EIPR1: variants seen among roughly 807,000 people sequenced by gnomAD.
The protein encoded by EIPR1 is EARP and GARP complex-interacting protein 1.
EIPR1 carries 25 observed loss-of-function variants against 48.1 expected under a neutral mutation model. The ratio of observed to expected loss-of-function variants is 0.52; its 90% CI spans 0.38 to 0.73. The LOEUF (loss-of-function observed/expected upper bound fraction) is 0.73. Ranked by LOEUF, EIPR1 falls within the 30% of genes least tolerant of loss-of-function variation. The pLI is 0.00. For synonymous variants in EIPR1, 204 were observed against 201.9 expected (o/e 1.01, Z -0.09); for missense variants, 415 against 506.2 (o/e 0.82, Z 1.73).
intron 1 of EIPR1, among the ~76,000 whole-genome samples, chr2:3,364,263 A>C (rs548997172): frequency 1.3e-5 from 2 of 152,358 alleles, no homozygotes; most frequent in South Asian, 4.1e-4. Flanking sequence ...AATCAACCTA[A>C]GTGCCCATCA....
chr2:3,238,131 T>A (rs767006141), intron 4 of EIPR1, among the ~76,000 whole-genome samples: 2 of 152,164 alleles, frequency 1.3e-5, no homozygotes, highest in Non-Finnish European at 2.9e-5. Flanking sequence ...AAAAATTCCA[T>A]GGAGGTATAT....
Position 3,330,780 on chromosome 2 carries a change from CA to C in EIPR1, c.259+7236del, listed in dbSNP as rs561491637. ...GAGATGGTGTGAGCAGAGGCAAGCGCATGTACACTCACGAGAATGGTGTGAG... is the reference window on the plus strand; with the variant it reads ...GAGATGGTGTGAGCAGAGGCAAGCGCTGTACACTCACGAGAATGGTGTGAG... On this transcript the variant is annotated intron_variant, in intron 3 of 8. Transcript: ENST00000382125. 5.6e-4 allele frequency among the ~76,000 whole-genome samples: 82 copies of C among 147,570 alleles called. 1 individual carries two copies. The highest frequency in any genetic ancestry group is 2.0e-3 in the African/African-American group (81 of 39,820).
At chr2:3,329,367 G>A (rs1669816268) in intron 3 of EIPR1, among the ~76,000 whole-genome samples, 1 of 151,706 alleles carries the variant, frequency 6.6e-6, no homozygotes, top group Admixed American at 6.6e-5. Flanking sequence ...GCCAGCCTGG[G>A]CTTCCTTGGA....
intron 3 of EIPR1, among the ~76,000 whole-genome samples, chr2:3,295,409 C>CT (rs1668530901): frequency 6.9e-6 from 1 of 144,498 alleles, no homozygotes; most frequent in Non-Finnish European, 1.5e-5. Flanking sequence ...CACACACACC[C>CT]TCCATCCAGC....
intron 3 of EIPR1, among the ~76,000 whole-genome samples, chr2:3,293,468 G>A (rs757276607): frequency 7.9e-5 from 12 of 152,180 alleles, no homozygotes; most frequent in African/African-American, 1.7e-4. Flanking sequence ...GGGAGAACCC[G>A]GACTGCTCAG....
At chr2:3,303,513 C>T (rs1668820862) in intron 3 of EIPR1, among the ~76,000 whole-genome samples, 1 of 152,244 alleles carries the variant, frequency 6.6e-6, no homozygotes, top group Non-Finnish European at 1.5e-5. Flanking sequence ...TGTCCCCTCA[C>T]GCTGCCACGT....
chr2:3,205,752 C>T lies in EIPR1; in HGVS notation c.516+8397G>A, dbSNP rs145804237. On this transcript the variant is annotated intron_variant, in intron 5 of 8. Coordinates refer to ENST00000382125, the MANE Select transcript of EIPR1 (RefSeq NM_003310.5). ...CGAGCTTGAACCCCAGCTCTGCTTC[C>T]GAGTAAGCCATCATTGGCAGGTTAC... Among the ~76,000 whole-genome samples, 32 of 152,284 alleles carry T rather than the reference C, an allele frequency of 2.1e-4. No homozygotes were observed. The East Asian group carries it at 2.1e-3, about 10-fold the overall frequency.
chr2:3,233,725 G>T (rs1305598350), intron 4 of EIPR1, among the ~76,000 whole-genome samples: 3 of 152,236 alleles, frequency 2.0e-5, no homozygotes, highest in Non-Finnish European at 4.4e-5. Flanking sequence ...TCAAGCTAAG[G>T]AGCCTTCAAA....
chr2:3,265,750 C>T (rs1667467534), intron 3 of EIPR1, among the ~76,000 whole-genome samples: 1 of 152,202 alleles, frequency 6.6e-6, no homozygotes, highest in African/African-American at 2.4e-5. Context: ...CACACGATAC[C>T]TAGGCTGAAA....
In EIPR1 at chr2:3,286,291, T is replaced by C. The variant is rs1185215126; in HGVS notation, c.260-28836A>G. On this transcript the variant is annotated intron_variant, in intron 3 of 8. Transcript: ENST00000382125. The surrounding 1 kb of genome is among the most constrained non-coding windows in gnomAD (Gnocchi z 4.2). ...GGTGATTCGACAACTGCCGTCACCGTGCCTGCCTGTGTATGACGTGTACAC... is the reference window on the plus strand; with the variant it reads ...GGTGATTCGACAACTGCCGTCACCGCGCCTGCCTGTGTATGACGTGTACAC... 1.3e-5 allele frequency among the ~76,000 whole-genome samples: 2 copies of C among 152,190 alleles called. No homozygotes were observed. Among genetic ancestry groups the C allele is most frequent in the East Asian group, 3.9e-4 (2 of 5,184 alleles).
intron 6 of EIPR1, 127 bp downstream of exon 6, chr2:3,196,754 A>G: frequency 2.2e-6 from 3 of 1,361,632 alleles, no homozygotes; most frequent in Non-Finnish European, 2.9e-6. Context: ...ATTTCCTACA[A>G]AAACGAGATA....
intron 5 of EIPR1, among the ~76,000 whole-genome samples, chr2:3,199,579 G>A (rs1558217274): frequency 6.6e-6 from 1 of 152,220 alleles, no homozygotes; most frequent in Non-Finnish European, 1.5e-5. Context: ...GAGACCCACT[G>A]GGGGGACAGG....
At chr2:3,204,674 C>T (rs534474077) in intron 5 of EIPR1, among the ~76,000 whole-genome samples, 7 of 152,320 alleles carry the variant, frequency 4.6e-5, no homozygotes, top group South Asian at 2.1e-4. Context: ...TGCCTGGCAT[C>T]GTCTTTAGCA....
chr2:3,310,305 A>T (rs1042638220), intron 3 of EIPR1, among the ~76,000 whole-genome samples: 10 of 152,182 alleles, frequency 6.6e-5, no homozygotes, highest in Non-Finnish European at 1.2e-4. Context: ...CTTCCTTTTT[A>T]ATATTTTTCT....
At chr2:3,217,857 TGA>T (rs1553281684) in intron 4 of EIPR1, among the ~76,000 whole-genome samples, 3 of 152,024 alleles carry the variant, frequency 2.0e-5, no homozygotes, top group Non-Finnish European at 4.4e-5. Context: ...CCACAGAGTG[TGA>T]GTGTCACCTT....
chr2:3,233,002 CAA>C (rs1424251279), intron 4 of EIPR1, among the ~76,000 whole-genome samples: 2 of 152,194 alleles, frequency 1.3e-5, no homozygotes, highest in African/African-American at 4.8e-5. Context: ...ACTGTAAACG[CAA>C]AGTCATATAT....
chr2:3,287,027 G>C (rs1192282450), intron 3 of EIPR1, among the ~76,000 whole-genome samples: 1 of 150,464 alleles, frequency 6.6e-6, no homozygotes, highest in Non-Finnish European at 1.5e-5. Context: ...AGCACACAGA[G>C]TGCCAGCCGG....
At chr2:3,345,659 T>C (rs1009419124) in intron 2 of EIPR1, among the ~76,000 whole-genome samples, 4 of 151,236 alleles carry the variant, frequency 2.6e-5, no homozygotes, top group Non-Finnish European at 4.4e-5. Context: ...AAAATATGTA[T>C]ATATATAGTG....
intron 3 of EIPR1, among the ~76,000 whole-genome samples, chr2:3,297,511 G>A (rs1052257006): frequency 6.6e-5 from 10 of 152,220 alleles, no homozygotes; most frequent in African/African-American, 2.2e-4. Flanking sequence ...GTTGAGCTAC[G>A]AGGTTCTACC....
Sources: gnomAD v4.1 joint callset for allele counts (sites outside exome capture counted in the v4.1 genomes callset) on GRCh38, gnomAD v4.1.1 for gene constraint, Gnocchi (gnomAD v3.1) non-coding constraint, MANE v1.5 for transcripts, NCBI Gene and HGNC (gene_info 2026-07-23, HGNC 2026-07-21) for gene names.